The following PDE1A variants were observed in gnomAD, a reference collection of about 807,000 sequenced individuals.
PDE1A encodes the protein dual specificity calcium/calmodulin-dependent 3',5'-cyclic nucleotide phosphodiesterase 1A.
In PDE1A, 35 loss-of-function variants were observed where a neutral mutation model predicts 61.7. The observed-to-expected ratio is 0.57, with a 90% CI of 0.43 to 0.75. The LOEUF is 0.75. PDE1A is among the 30% of genes least tolerant of loss of function. The pLI is 0.00. For missense variants in PDE1A, 597 were observed against 630.6 expected (o/e 0.95, Z 0.57); for synonymous variants, 232 against 213.2 (o/e 1.09, Z -0.77).
chr2:182,148,995 T>C (rs1354782718), intron 13 of PDE1A, among the ~76,000 whole-genome samples: 1 of 152,196 alleles, frequency 6.6e-6, no homozygotes, highest in Non-Finnish European at 1.5e-5. Flanking sequence ...TTACTGAGTT[T>C]TGAACCTTCT....
intron 6 of PDE1A, among the ~76,000 whole-genome samples, chr2:182,228,972 T>C (rs952914206): frequency 6.6e-5 from 10 of 152,156 alleles, no homozygotes; most frequent in African/African-American, 2.4e-4. Context: ...CATGCGAGGC[T>C]GGGCCAAATT....
At chr2:182,416,983 G>A (rs898069259) in intron 1 of PDE1A, among the ~76,000 whole-genome samples, 2 of 152,182 alleles carry the variant, frequency 1.3e-5, no homozygotes, top group African/African-American at 4.8e-5. Flanking sequence ...TCAAGATTCA[G>A]TTCATTGGAT....
chr2:182,608,325 C>T, the PDE1A span, among the ~76,000 whole-genome samples: 6 of 152,360 alleles, frequency 3.9e-5, no homozygotes, highest in African/African-American at 1.4e-4. Context: ...TGAGAGGTGA[C>T]ACCCGGGCTC....
the PDE1A span, among the ~76,000 whole-genome samples, chr2:182,602,112 G>A: frequency 6.6e-6 from 1 of 152,250 alleles, no homozygotes. Flanking sequence ...GATGAGAGCA[G>A]GCACTGATAG....
the PDE1A span, among the ~76,000 whole-genome samples, chr2:182,687,581 GA>G: frequency 6.6e-6 from 1 of 152,064 alleles, no homozygotes; most frequent in Admixed American, 6.6e-5. Context: ...CAAAGATGGG[GA>G]AAAAACAGAA....
rs548797077 is a variant in PDE1A at position 182,190,958 on chromosome 2, C to CA, written c.1126-1899dup. 4.1e-4 allele frequency among the ~76,000 whole-genome samples: 61 copies of CA among 148,638 alleles called. No homozygotes were observed. In the East Asian group the frequency reaches 6.7e-3, roughly 16 times the overall value. ...GTGACAGAGCAAGACTCCATCCCCCCAAAAAAAAGAAAAAAAAATCCATAA... is the reference window on the plus strand; with the variant it reads ...GTGACAGAGCAAGACTCCATCCCCCCAAAAAAAAAGAAAAAAAAATCCATAA... On this transcript the variant is annotated intron_variant, in intron 10 of 13. Transcript: ENST00000351439.
At chr2:182,643,392 G>A in the PDE1A span, among the ~76,000 whole-genome samples, 3 of 152,250 alleles carry the variant, frequency 2.0e-5, no homozygotes, top group Admixed American at 6.5e-5. Context: ...CAGCTTCCAG[G>A]TTCTCTCTGG....
intron 5 of PDE1A, among the ~76,000 whole-genome samples, chr2:182,230,566 A>C (rs931883730): frequency 6.6e-6 from 1 of 152,168 alleles, no homozygotes; most frequent in Non-Finnish European, 1.5e-5. Flanking sequence ...AAATGATGAA[A>C]GTAATAAGCT....
At chr2:182,543,733 A>G in the PDE1A span, among the ~76,000 whole-genome samples, 1 of 152,134 alleles carries the variant, frequency 6.6e-6, no homozygotes. Context: ...TTTCAAGGTC[A>G]GTCTATATTA....
chr2:182,423,790 C>T (rs563811543), intron 1 of PDE1A, among the ~76,000 whole-genome samples: 1 of 151,982 alleles, frequency 6.6e-6, no homozygotes, highest in Non-Finnish European at 1.5e-5. Context: ...TCTCAAGCAC[C>T]ATGAACTCAG....
chr2:182,632,352 G>A, the PDE1A span, among the ~76,000 whole-genome samples: 90 of 152,142 alleles, frequency 5.9e-4, 1 homozygote, highest in Non-Finnish European at 1.1e-3. Context: ...ATCGTTCTAT[G>A]TAAGATTTAG....
chr2:182,417,827 T>C (rs1703013508), intron 1 of PDE1A, among the ~76,000 whole-genome samples: 1 of 152,166 alleles, frequency 6.6e-6, no homozygotes, highest in Non-Finnish European at 1.5e-5. Context: ...AAATCTCTGG[T>C]TACAAATGCA....
At chr2:182,266,588 G>A (rs12617420) in intron 1 of PDE1A, among the ~76,000 whole-genome samples, 35,707 of 151,980 alleles carry the variant, frequency 0.23, 4,336 homozygotes, top group Admixed American at 0.33. Context: ...ACTTTTATTT[G>A]TTAGCGATTT....
chr2:182,425,313 G>A (rs1257491485), intron 1 of PDE1A, among the ~76,000 whole-genome samples: 1 of 152,122 alleles, frequency 6.6e-6, no homozygotes, highest in Non-Finnish European at 1.5e-5. Flanking sequence ...GCACTTGGGA[G>A]AATATAGATA....
the PDE1A span, among the ~76,000 whole-genome samples, chr2:182,530,778 G>T: frequency 3.3e-5 from 5 of 152,110 alleles, no homozygotes; most frequent in Admixed American, 1.3e-4. Context: ...ATAGCTAAAG[G>T]AAATTGTCCA....
intron 7 of PDE1A, 54 bp downstream of exon 7, chr2:182,223,810 G>C: frequency 2.9e-6 from 3 of 1,046,032 alleles, no homozygotes; most frequent in Non-Finnish European, 4.2e-6. Context: ...GTGATATGCA[G>C]AAAAATAAAT....
At chr2:182,279,295 C>T (rs1693646771) in intron 1 of PDE1A, among the ~76,000 whole-genome samples, 1 of 151,774 alleles carries the variant, frequency 6.6e-6, no homozygotes, top group African/African-American at 2.4e-5. Context: ...TCATGATGTA[C>T]AGAAACTCCC....
intron 1 of PDE1A, among the ~76,000 whole-genome samples, chr2:182,386,302 G>A (rs1052555263): frequency 1.1e-4 from 16 of 151,910 alleles, no homozygotes; most frequent in Non-Finnish European, 2.1e-4. Context: ...CTGCTTGGCC[G>A]CCCATCATCT....
chr2:182,510,746 T>C (rs1689728663), intron 2 of PDE1A, among the ~76,000 whole-genome samples: 1 of 152,198 alleles, frequency 6.6e-6, no homozygotes, highest in South Asian at 2.1e-4. Flanking sequence ...AGATGTTGAC[T>C]TAAAGATGCC....
Sources: gnomAD v4.1 joint callset for allele counts (sites outside exome capture counted in the v4.1 genomes callset) on GRCh38, gnomAD v4.1.1 for gene constraint, MANE v1.5 for transcripts, NCBI Gene and HGNC (gene_info 2026-07-23, HGNC 2026-07-21) for gene names.